Variants in CRISP3 observed in about 807,000 individuals in gnomAD.
CRISP3 encodes the protein cysteine-rich secretory protein 3.
CRISP3 carries 33 observed loss-of-function variants against 36.1 expected under a neutral mutation model. The ratio of observed to expected loss-of-function variants is 0.91; its 90% CI spans 0.69 to 1.22. The LOEUF is 1.22. Ranked by LOEUF, CRISP3 falls within the 50% of genes most tolerant of loss-of-function variation. The pLI, the probability that CRISP3 is intolerant of heterozygous loss-of-function variation, is 0.00. For synonymous variants in CRISP3, 117 were observed against 104.6 expected, an observed-to-expected ratio of 1.12 and a Z score of -0.72; for missense variants, 330 against 301.2, an observed-to-expected ratio of 1.10 and a Z score of -0.71.
chr6:49,743,130 G>A (rs148926064), intron 1 of CRISP3, among the ~76,000 whole-genome samples: 24 of 152,162 alleles, frequency 1.6e-4, no homozygotes, highest in African/African-American at 4.6e-4. Flanking sequence ...TAAGAAATTC[G>A]TAAAGATATC....
intron 4 of CRISP3, 22 bp from the exon 5 acceptor site, chr6:49,733,870 A>G (rs757501536): frequency 3.7e-6 from 6 of 1,609,298 alleles, no homozygotes; most frequent in Non-Finnish European, 5.1e-6. Flanking sequence ...CAGACCACTC[A>G]TGAGGAAAGC....
At chr6:49,731,135 AT>A in intron 7 of CRISP3, 27 bp downstream of exon 7, 1 of 1,435,304 alleles carries the variant, frequency 7.0e-7, no homozygotes, top group East Asian at 2.3e-5. Context: ...ATTTTATTTT[AT>A]TATCAAGTTA....
intron 1 of CRISP3, among the ~76,000 whole-genome samples, chr6:49,737,926 A>G (rs1384067306): frequency 1.3e-5 from 2 of 152,174 alleles, no homozygotes; most frequent in African/African-American, 4.8e-5. Context: ...CATTCTTCAA[A>G]CCCTAGAAAG....
Position 49,727,391 on chromosome 6 carries a change from C to G in CRISP3, c.*1339G>C, listed in dbSNP as rs1040975716. The G allele has an allele frequency of 1.3e-5, 2 of 151,632 alleles. No individual in the cohort carries two copies. Among genetic ancestry groups the G allele is most frequent in the African/African-American group, 4.8e-5 (2 of 41,274 alleles). The allele number at this position is 151,632 out of a possible 1,614,324, so 9.4% of individuals were successfully genotyped here. A position where few individuals can be genotyped will look rare whatever the true frequency, so the allele number is the denominator to read the frequency against. On this transcript the variant is annotated 3_prime_UTR_variant, in exon 8 of 8. Transcript: ENST00000263045. ...AATTCTTGTATTTTTTTTCAAGACA[C>G]TTTTTATTTTGCATTGCTTTCTTAG...
At chr6:49,735,265 C>T (rs1170373998) in intron 4 of CRISP3, among the ~76,000 whole-genome samples, 1 of 151,976 alleles carries the variant, frequency 6.6e-6, no homozygotes, top group Non-Finnish European at 1.5e-5. Flanking sequence ...CTGCTTTACT[C>T]CTGAGCTGAT....
At chr6:49,737,481 C>A in intron 1 of CRISP3, 83 bp from the exon 2 acceptor site, 1 of 1,392,482 alleles carries the variant, frequency 7.2e-7, no homozygotes, top group Non-Finnish European at 1.0e-6. Flanking sequence ...GTGGGAGAAA[C>A]GTAATGACCT....
intron 1 of CRISP3, among the ~76,000 whole-genome samples, chr6:49,738,565 A>G (rs1288465941): frequency 1.3e-5 from 2 of 152,120 alleles, no homozygotes; most frequent in Non-Finnish European, 2.9e-5. Flanking sequence ...TTCCTCCTGA[A>G]CCTCAGCTCT....
At chr6:49,736,257 C>G (rs1769048190) in intron 3 of CRISP3, 134 bp downstream of exon 3, 6 of 664,098 alleles carry the variant, frequency 9.0e-6, no homozygotes, top group African/African-American at 1.8e-5. Flanking sequence ...CTGCCCATTA[C>G]ACAGCTCAAA....
At chr6:49,736,833 T>G (rs509699) in intron 2 of CRISP3, among the ~76,000 whole-genome samples, 105,305 of 151,874 alleles carry the variant, frequency 0.69, 36,698 homozygotes, top group Middle Eastern at 0.78. Flanking sequence ...TACATGATAG[T>G]AATTATTAAG....
At chr6:49,735,711 C>T in intron 3 of CRISP3, 120 bp from the exon 4 acceptor site, 1 of 635,678 alleles carries the variant, frequency 1.6e-6, no homozygotes, top group Non-Finnish European at 2.7e-6. Context: ...CAAGCATCTT[C>T]TGATTTTTAT....
Position 49,728,814 on chromosome 6 carries a change from A to G in CRISP3, c.693T>C (p.Ser231=), listed in dbSNP as rs753533678. Residue 231 remains serine (S), a synonymous_variant, in exon 8 of 8, where the codon AGT becomes AGC. Coordinates refer to ENST00000263045, the MANE Select transcript of CRISP3 (RefSeq NM_006061.4). ...KYEDLYSNCK[S]LKLTLTCKHQ... ...GTTTACAGGTTAATGTGAGCTTCAAACTTTTACAGTTACTATAGAGATCTT... is the reference window on the plus strand; with the variant it reads ...GTTTACAGGTTAATGTGAGCTTCAAGCTTTTACAGTTACTATAGAGATCTT... 1.9e-6 allele frequency: 3 copies of G among 1,612,818 alleles called. No homozygotes were observed. Among genetic ancestry groups the G allele is most frequent in the Non-Finnish European group, 8.5e-7 (1 of 1,179,300 alleles).
chr6:49,737,671 T>C (rs1187124163), intron 1 of CRISP3, among the ~76,000 whole-genome samples: 1 of 152,150 alleles, frequency 6.6e-6, no homozygotes, highest in Non-Finnish European at 1.5e-5. Context: ...TCTACCTCCT[T>C]CTTCCGCAGC....
chr6:49,732,792 T>C (rs939908104), intron 6 of CRISP3, among the ~76,000 whole-genome samples: 2 of 152,206 alleles, frequency 1.3e-5, no homozygotes, highest in Non-Finnish European at 2.9e-5. Context: ...ATTGCTAAAA[T>C]GGGTCATTCC....
chr6:49,728,819 T>C lies in CRISP3; in HGVS notation c.688A>G (p.Lys230Glu). The change falls in exon 8 of 8, where the codon AAA (lysine) becomes GAA (glutamate). Residue 230 changes from lysine (K) to glutamate (E), a missense_variant. By Grantham distance (56) the Lys-to-Glu change is moderately conservative (BLOSUM62 1). Transcript: ENST00000263045. The part of the protein sequence containing the change: ...CKYEDLYSNC[K>E]SLKLTLTCKH... ...CAGGTTAATGTGAGCTTCAAACTTT[T>C]ACAGTTACTATAGAGATCTTCGTAC... The C allele has an allele frequency of 6.2e-7, 1 of 1,612,916 alleles. No individual in the cohort carries two copies. Among genetic ancestry groups the C allele is most frequent in the African/African-American group, 1.3e-5 (1 of 75,040 alleles).
chr6:49,733,943 G>A, intron 4 of CRISP3, 95 bp from the exon 5 acceptor site: 1 of 1,139,712 alleles, frequency 8.8e-7, no homozygotes, highest in Non-Finnish European at 1.3e-6. Flanking sequence ...CAGAATCCCT[G>A]TTTTTTAAAT....
At chr6:49,743,409 CAG>C (rs749131901) in intron 1 of CRISP3, among the ~76,000 whole-genome samples, 4 of 152,136 alleles carry the variant, frequency 2.6e-5, no homozygotes, top group Non-Finnish European at 5.9e-5. Context: ...GATCCACTTT[CAG>C]AGGTCTTAGT....
At chr6:49,730,269 G>T (rs1008619322) in intron 7 of CRISP3, among the ~76,000 whole-genome samples, 2 of 151,714 alleles carry the variant, frequency 1.3e-5, no homozygotes, top group Admixed American at 6.6e-5. Context: ...ACTCCTTTTT[G>T]CTAAAATATT....
At chr6:49,742,780 T>C (rs959216089) in intron 1 of CRISP3, among the ~76,000 whole-genome samples, 1 of 152,046 alleles carries the variant, frequency 6.6e-6, no homozygotes, top group Non-Finnish European at 1.5e-5. Context: ...ATAAATCAAC[T>C]GGTGGAGGAA....
chr6:49,744,350 A>T lies in CRISP3; in HGVS notation c.18T>A (p.His6Gln), dbSNP rs74393864. The T allele has an allele frequency of 6.5e-6, 10 of 1,533,390 alleles. No homozygotes were observed. The highest frequency in any genetic ancestry group is 8.7e-6 in the Non-Finnish European group (10 of 1,145,118). 95.0% of individuals were successfully genotyped at this position (1,533,390 alleles called of 1,614,324 possible). The change falls in exon 1 of 8, where the codon CAT (histidine) becomes CAA (glutamine). Residue 6 changes from histidine (H) to glutamine (Q), a missense_variant. His to Gln is a conservative substitution (Grantham distance 24). Transcript: ENST00000263045. MKQIL[H>Q]PALETTAMTL... ...ACTTACCAGTGGTTTCCAGAGCAGG[A>T]TGAAGTATTTGTTTCATCTATTGAC...
Sources: gnomAD v4.1 joint callset for allele counts (sites outside exome capture counted in the v4.1 genomes callset) on GRCh38, gnomAD v4.1.1 for gene constraint, MANE v1.5 for transcripts, NCBI Gene and HGNC (gene_info 2026-07-23, HGNC 2026-07-21) for gene names.